Variants in AGPS observed in about 807,000 individuals in gnomAD.
AGPS encodes the protein alkylglycerone phosphate synthase.
AGPS carries 26 observed loss-of-function variants against 90.7 expected under a neutral mutation model. The ratio of observed to expected loss-of-function variants is 0.29; its 90% CI spans 0.21 to 0.40. The LOEUF is 0.40. Among genes scored for constraint, AGPS ranks in the 10% least tolerant of loss-of-function variants. AGPS has a pLI of 1.00. For synonymous variants in AGPS, 294 were observed against 285.3 expected (o/e 1.03, Z -0.31); for missense variants, 540 against 816.1 (o/e 0.66, Z 4.12).
At chr2:177,508,062 CA>C in intron 16 of AGPS, 31 bp downstream of exon 16, 1 of 1,488,512 alleles carries the variant, frequency 6.7e-7, no homozygotes. Flanking sequence ...TGATATTATT[CA>C]AATATGCGAT....
At chr2:177,416,549 G>T (rs1448503972) in intron 1 of AGPS, among the ~76,000 whole-genome samples, 1 of 151,650 alleles carries the variant, frequency 6.6e-6, no homozygotes, top group African/African-American at 2.4e-5. Context: ...TTTTTGAGAC[G>T]GAGTCTTGTT....
chr2:177,455,060 A>G (rs188643057), intron 8 of AGPS, among the ~76,000 whole-genome samples: 2 of 151,978 alleles, frequency 1.3e-5, no homozygotes, highest in East Asian at 1.9e-4. Flanking sequence ...GCCCAAGACA[A>G]TTCTTCTTCT....
In AGPS at chr2:177,523,617, G is replaced by C. The variant is rs983082246; in HGVS notation, c.1798-131G>C. On this transcript the variant is annotated intron_variant, in intron 18 of 19. Transcript: ENST00000264167. ...TTTTTAAACACATTTGACCAAAAGA[G>C]AGGAAAGTTAGGCTTCTAGTTTATT... 3 of 764,778 alleles carry C rather than the reference G, an allele frequency of 3.9e-6. No individual in the cohort carries two copies. The African/African-American group carries it at 5.3e-5, about 14-fold the overall frequency. The allele number at this position is 764,778 out of a possible 1,614,324, so 47.4% of individuals were successfully genotyped here. A position where few individuals can be genotyped will look rare whatever the true frequency, so the allele number is the denominator to read the frequency against.
chr2:177,491,429 C>CTTTTTTTTTTTTT (rs1051275473), intron 11 of AGPS, among the ~76,000 whole-genome samples: 10 of 118,248 alleles, frequency 8.5e-5, no homozygotes, highest in Non-Finnish European at 1.2e-4. Flanking sequence ...TGACTAATTT[C>CTTTTTTTTTTTTT]TTTTTTTTTT....
Position 177,392,835 on chromosome 2 carries a change from G to GGCGCGA in AGPS, c.49_54dup (p.Ala17_Ser18dup), listed in dbSNP as rs771730798. On this transcript the variant is annotated inframe_insertion, in exon 1 of 20. Coordinates refer to ENST00000264167, the MANE Select transcript of AGPS (RefSeq NM_003659.4). ...AGCGGGTGGGACTGGCTTGGGCGCG[G>GGCGCGA]GCGCGAGCTACGGGTCTGCAGCGGA... 99 of 1,548,030 alleles carry GGCGCGA rather than the reference G, an allele frequency of 6.4e-5. No homozygotes were observed. In the South Asian group the frequency reaches 9.0e-4, roughly 14 times the overall value.
chr2:177,491,483 G>A (rs1688259882), intron 11 of AGPS, among the ~76,000 whole-genome samples: 1 of 147,252 alleles, frequency 6.8e-6, no homozygotes. Context: ...CACCATGTTG[G>A]CCAGGCTGGT....
At chr2:177,393,178 G>T in intron 1 of AGPS, 129 bp downstream of exon 1, 1 of 1,546,148 alleles carries the variant, frequency 6.5e-7, no homozygotes, top group Non-Finnish European at 8.7e-7. Flanking sequence ...CCTGAAAGTA[G>T]GGACCCACCT....
chr2:177,420,251 A>G lies in AGPS; in HGVS notation c.261-18A>G, dbSNP rs180723901. On this transcript the variant is annotated intron_variant, in intron 1 of 19. Coordinates refer to ENST00000264167, the MANE Select transcript of AGPS (RefSeq NM_003659.4). The stretch of plus-strand genomic sequence containing the variant: ...TGTTTAGCATTGGTCTCACTTATAT[A>G]TATTTTCTTCTCACTAGGCAAGAAG... 9 of 1,491,780 alleles carry G rather than the reference A, an allele frequency of 6.0e-6. No individual in the cohort carries two copies. The highest frequency in any genetic ancestry group is 4.5e-5 in the South Asian group (4 of 88,452). 92.4% of individuals were successfully genotyped at this position (1,491,780 alleles called of 1,614,324 possible). A position where few individuals can be genotyped will look rare whatever the true frequency, so the allele number is the denominator to read the frequency against.
chr2:177,498,572 G>A (rs545136482), intron 13 of AGPS, among the ~76,000 whole-genome samples: 4 of 149,564 alleles, frequency 2.7e-5, no homozygotes, highest in Non-Finnish European at 4.5e-5. Flanking sequence ...CCTTCCTCCA[G>A]TAATATGATC....
chr2:177,444,524 C>T (rs1212458198), intron 7 of AGPS, among the ~76,000 whole-genome samples: 13 of 151,448 alleles, frequency 8.6e-5, no homozygotes, highest in Admixed American at 8.6e-4. Context: ...CATTCACATA[C>T]ATCATCTTAT....
chr2:177,436,580 G>A (rs888541930), intron 3 of AGPS, among the ~76,000 whole-genome samples, 184 bp from the exon 4 acceptor site: 8 of 152,050 alleles, frequency 5.3e-5, no homozygotes, highest in Non-Finnish European at 1.0e-4. Flanking sequence ...ACAATCTTTA[G>A]AAATTTGTAA....
chr2:177,415,733 C>A (rs1685766969), intron 1 of AGPS, among the ~76,000 whole-genome samples: 1 of 152,130 alleles, frequency 6.6e-6, no homozygotes, highest in South Asian at 2.1e-4. Flanking sequence ...AGTCTGACTG[C>A]CCTCACCAGT....
At chr2:177,421,625 G>A (rs1685945235) in intron 2 of AGPS, among the ~76,000 whole-genome samples, 1 of 151,928 alleles carries the variant, frequency 6.6e-6, no homozygotes. Flanking sequence ...AGCAATGGAG[G>A]CTTAGTTGAG....
chr2:177,458,344 A>G (rs58297927), intron 8 of AGPS, among the ~76,000 whole-genome samples: 16,983 of 152,186 alleles, frequency 0.11, 1,221 homozygotes, highest in East Asian at 0.34. Context: ...GGCCAGGGCA[A>G]TCAGGCAAGA....
chr2:177,462,232 T>C (rs1445689357), intron 9 of AGPS, among the ~76,000 whole-genome samples: 2 of 150,926 alleles, frequency 1.3e-5, no homozygotes, highest in African/African-American at 4.9e-5. Flanking sequence ...CTACTAAAAA[T>C]ACAAAAAAAA....
intron 2 of AGPS, among the ~76,000 whole-genome samples, chr2:177,431,960 G>A (rs1178651988): frequency 2.0e-5 from 3 of 152,194 alleles, no homozygotes; most frequent in African/African-American, 7.2e-5. Flanking sequence ...TTTGGGAACT[G>A]ATAAATGACC....
At chr2:177,492,878 A>G (rs988219515) in intron 11 of AGPS, among the ~76,000 whole-genome samples, 2 of 151,226 alleles carry the variant, frequency 1.3e-5, no homozygotes, top group Admixed American at 1.3e-4. Flanking sequence ...GACATTAGGC[A>G]GCTTTTTCTG....
chr2:177,399,103 A>G (rs976273363), intron 1 of AGPS, among the ~76,000 whole-genome samples: 1 of 152,208 alleles, frequency 6.6e-6, no homozygotes, highest in Non-Finnish European at 1.5e-5. Flanking sequence ...CCTTGTGGTC[A>G]TTTAATAAAA....
At chr2:177,457,232 A>G (rs1687145399) in intron 8 of AGPS, among the ~76,000 whole-genome samples, 1 of 152,238 alleles carries the variant, frequency 6.6e-6, no homozygotes, top group African/African-American at 2.4e-5. Context: ...TGCCCACAAG[A>G]GAAAGCAGTG....
Sources: gnomAD v4.1 joint callset for allele counts (sites outside exome capture counted in the v4.1 genomes callset) on GRCh38, gnomAD v4.1.1 for gene constraint, MANE v1.5 for transcripts, NCBI Gene and HGNC (gene_info 2026-07-23, HGNC 2026-07-21) for gene names.